The following BBS12 variants were observed in gnomAD, a reference collection of about 807,000 sequenced individuals.
The protein encoded by BBS12 is Bardet-Biedl syndrome 12.
BBS12 carries 5 observed loss-of-function variants against 5.6 expected under a neutral mutation model. The ratio of observed to expected loss-of-function variants is 0.89; its 90% confidence interval spans 0.46 to 1.86. The LOEUF is 1.86. BBS12 is among the 40% of genes most tolerant of loss of function. The pLI, the probability that BBS12 is intolerant of heterozygous loss-of-function variation, is 0.01. For synonymous variants in BBS12, 308 were observed against 306.8 expected, an observed-to-expected ratio of 1.00 and a Z score of -0.04; for missense variants, 748 against 830.4, an observed-to-expected ratio of 0.90 and a Z score of 1.22.
Position 122,743,226 on chromosome 4 carries a change from T to C in BBS12, c.1334T>C (p.Phe445Ser), listed in dbSNP as rs1199046859. ...GSVNGSVMQA[F>S]AEAAGAVQVA... ...GTGAATGGCAGTGTGATGCAGGCTTTTGCAGAGGCTGCAGGAGCAGTACAG... is the reference window on the plus strand; with the variant it reads ...GTGAATGGCAGTGTGATGCAGGCTTCTGCAGAGGCTGCAGGAGCAGTACAG... The change falls in exon 2 of 2, where the codon TTT becomes TCT. Residue 445 changes from phenylalanine to serine, a missense_variant. Physicochemically the swap from Phe to Ser is radical, Grantham distance 155. Transcript: ENST00000314218. 1.2e-6 allele frequency: 2 copies of C among 1,614,042 alleles called. No homozygotes were observed. Among genetic ancestry groups the C allele is most frequent in the Admixed American group, 1.7e-5 (1 of 60,002 alleles).
chr4:122,718,311 C>A, the BBS12 span, among the ~76,000 whole-genome samples: 1 of 152,122 alleles, frequency 6.6e-6, no homozygotes, highest in Non-Finnish European at 1.5e-5. Flanking sequence ...TCCTACCTAG[C>A]CTTGTAGCCA....
the BBS12 span, among the ~76,000 whole-genome samples, chr4:122,715,814 A>G: frequency 6.6e-6 from 1 of 152,214 alleles, no homozygotes; most frequent in Non-Finnish European, 1.5e-5. Context: ...AATATAAAGA[A>G]TCTTATCCCA....
the BBS12 span, among the ~76,000 whole-genome samples, chr4:122,719,465 G>C: frequency 6.6e-6 from 1 of 151,994 alleles, no homozygotes; most frequent in Non-Finnish European, 1.5e-5. Flanking sequence ...CAGTCTTTGG[G>C]TCCACACTAC....
At chr4:122,741,754 C>T (rs2150735648) in intron 1 of BBS12, 129 bp from the exon 2 acceptor site, 1 of 737,646 alleles carries the variant, frequency 1.4e-6, no homozygotes, top group South Asian at 1.8e-5. Context: ...TGTATCATTG[C>T]ACTGACCACT....
At position 122,744,883 on chromosome 4, in the gene BBS12, A is replaced by G. The variant is rs537536831; in HGVS notation, c.*858A>G. 2.9e-4 allele frequency: 49 copies of G among 167,252 alleles called. No homozygotes were observed. The highest frequency in any genetic ancestry group is 1.1e-3 in the African/African-American group (44 of 41,566). 10.4% of individuals were successfully genotyped at this position (167,252 alleles called of 1,614,324 possible). A position where few individuals can be genotyped will look rare whatever the true frequency, so the allele number is the denominator to read the frequency against. On this transcript the variant is annotated 3_prime_UTR_variant, in exon 2 of 2. Transcript: ENST00000314218. ...TAGGTCTTTTTATTAGGCAGCCAGA[A>G]TGTAGTGAAGGACAATTTATTATAC...
upstream of BBS12, chr4:122,731,363 C>CA (rs1433843514): frequency 6.6e-6 from 1 of 152,124 alleles, no homozygotes; most frequent in African/African-American, 2.4e-5. Context: ...TATTTCCTGA[C>CA]AAAAACCTCT....
chr4:122,744,224 G>A lies in BBS12; in HGVS notation c.*199G>A. 3.3e-6 allele frequency: 2 copies of A among 601,290 alleles called. No individual in the cohort carries two copies. The highest frequency in any genetic ancestry group is 4.1e-5 in the South Asian group (2 of 49,362). The allele number at this position is 601,290 out of a possible 1,614,324, so 37.2% of individuals were successfully genotyped here. On this transcript the variant is annotated 3_prime_UTR_variant, in exon 2 of 2. Transcript: ENST00000314218. Reference sequence around the variant, plus strand: ...AAGTTAGCCTGTTACTGTTTCGTGGGATGCTACAGAATGCATAAGACACCT... The same window carrying A: ...AAGTTAGCCTGTTACTGTTTCGTGGAATGCTACAGAATGCATAAGACACCT...
chr4:122,738,118 A>AT (rs1306561037), intron 1 of BBS12, among the ~76,000 whole-genome samples: 3 of 152,266 alleles, frequency 2.0e-5, no homozygotes, highest in Non-Finnish European at 2.9e-5. Flanking sequence ...TTGGCAATGG[A>AT]TTTTTAGATA....
chr4:122,702,329 A>G, the BBS12 span, among the ~76,000 whole-genome samples: 4 of 152,304 alleles, frequency 2.6e-5, no homozygotes, highest in Non-Finnish European at 1.5e-5. Flanking sequence ...GATTTGCTTC[A>G]AGAGTGGACA....
intron 1 of BBS12, among the ~76,000 whole-genome samples, chr4:122,740,249 AGAGC>A (rs796909055): frequency 8.6e-4 from 131 of 152,346 alleles, no homozygotes; most frequent in African/African-American, 3.0e-3. Context: ...TCTAGGTGAC[AGAGC>A]GAGACCCTGT....
At chr4:122,708,010 T>TC in the BBS12 span, among the ~76,000 whole-genome samples, 2 of 130,644 alleles carry the variant, frequency 1.5e-5, no homozygotes, top group African/African-American at 6.3e-5. Flanking sequence ...CTCTTTTTTT[T>TC]CTTTCCTTTT....
the BBS12 span, among the ~76,000 whole-genome samples, chr4:122,721,697 A>C: frequency 6.6e-6 from 1 of 152,192 alleles, no homozygotes; most frequent in Admixed American, 6.5e-5. Flanking sequence ...TGGTCTTTCT[A>C]TATAGCTCCC....
Position 122,742,611 on chromosome 4 carries a change from C to G in BBS12, c.719C>G (p.Thr240Arg), listed in dbSNP as rs140537219. 6.2e-7 allele frequency: 1 copy of G among 1,614,204 alleles called. No individual in the cohort carries two copies. Among genetic ancestry groups the G allele is most frequent in the Non-Finnish European group, 8.5e-7 (1 of 1,180,034 alleles). ...ILIHSRHFNR[T>R]DNTEGVSKPD... ...ATCCACAGTAGGCATTTTAATAGGA[C>G]AGATAATACTGAAGGGGTAAGCAAA... Residue 240 changes from threonine to arginine, a missense_variant, in exon 2 of 2, where the codon ACA (threonine) becomes AGA (arginine). Coordinates refer to ENST00000314218, the MANE Select transcript of BBS12 (RefSeq NM_152618.3).
At chr4:122,731,665 C>G (rs1241352719), upstream of BBS12, 2 of 152,138 alleles carry the variant, frequency 1.3e-5, no homozygotes, top group African/African-American at 2.4e-5. Context: ...GGTTCAAATC[C>G]TAAGGCCCAC....
At chr4:122,732,161 C>G (rs1242105036), upstream of BBS12, 1 of 152,148 alleles carries the variant, frequency 6.6e-6, no homozygotes, top group African/African-American at 2.4e-5. Context: ...CTCTTTTCTT[C>G]CATTGGTCTG....
At chr4:122,717,811 C>T in the BBS12 span, among the ~76,000 whole-genome samples, 10 of 152,260 alleles carry the variant, frequency 6.6e-5, no homozygotes, top group Middle Eastern at 3.4e-3. Flanking sequence ...AGGCATGAGC[C>T]ACCACACCGA....
Position 122,743,353 on chromosome 4 carries a change from A to T in BBS12, c.1461A>T (p.Arg487Ser), listed in dbSNP as rs1160719310. The T allele has an allele frequency of 6.2e-7, 1 of 1,614,106 alleles. No individual in the cohort carries two copies. The highest frequency in any genetic ancestry group is 1.3e-5 in the African/African-American group (1 of 74,914). ...SPLDVVDRNNRIAILLKTEGI... is the reference protein window; with the variant it reads ...SPLDVVDRNNSIAILLKTEGI... ...TGGATGTTGTAGATAGGAACAACAG[A>T]ATCGCAATCTTATTAAAAACAGAAG... The change falls in exon 2 of 2, where the codon AGA (arginine) becomes AGT (serine). Residue 487 changes from arginine (R) to serine (S), a missense_variant. Coordinates refer to ENST00000314218, the MANE Select transcript of BBS12 (RefSeq NM_152618.3).
In BBS12 at chr4:122,744,059, CATA is replaced by C. The variant is rs1215327407; in HGVS notation, c.*38_*40del. On this transcript the variant is annotated 3_prime_UTR_variant, in exon 2 of 2. Coordinates refer to ENST00000314218, the MANE Select transcript of BBS12 (RefSeq NM_152618.3). ...GCTAAGTCTTTGGAAAATAATTTTT[CATA>C]ATATGTCATGCTAATAATAAATATA... The C allele has an allele frequency of 3.2e-6, 5 of 1,574,476 alleles. No individual in the cohort carries two copies. The African/African-American group carries it at 4.1e-5, about 13-fold the overall frequency.
At chr4:122,724,480 C>G in the BBS12 span, among the ~76,000 whole-genome samples, 2 of 152,188 alleles carry the variant, frequency 1.3e-5, no homozygotes, top group African/African-American at 4.8e-5. Context: ...CTAAAATTCT[C>G]CAACCCTTCT....
Sources: gnomAD v4.1 joint callset for allele counts (sites outside exome capture counted in the v4.1 genomes callset) on GRCh38, gnomAD v4.1.1 for gene constraint, MANE v1.5 for transcripts, NCBI Gene and HGNC (gene_info 2026-07-23, HGNC 2026-07-21) for gene names.